Variants in ARHGAP45 observed in about 807,000 individuals in gnomAD.
The protein encoded by ARHGAP45 is rho GTPase-activating protein 45.
A neutral mutation model predicts 116.1 loss-of-function variants in ARHGAP45; 56 were observed. That is an observed-to-expected ratio of 0.48 (90% CI 0.39 to 0.60). ARHGAP45 has a LOEUF of 0.60. Ranked by LOEUF, ARHGAP45 falls within the 20% of genes least tolerant of loss-of-function variation. The pLI is 0.00. For synonymous variants in ARHGAP45, 866 were observed against 701.7 expected (o/e 1.23, Z -3.70); for missense variants, 1,622 against 1,601.0 (o/e 1.01, Z -0.22).
At chr19:1,075,576 C>G (rs1373889661) in intron 10 of ARHGAP45, among the ~76,000 whole-genome samples, 1 of 151,984 alleles carries the variant, frequency 6.6e-6, no homozygotes, top group Non-Finnish European at 1.5e-5. Context: ...TCCCACTTCG[C>G]TTTTGGGTTA....
chr19:1,080,215 C>T (rs770237422), intron 13 of ARHGAP45, 40 bp from the exon 14 acceptor site: 5 of 1,610,896 alleles, frequency 3.1e-6, no homozygotes, highest in African/African-American at 1.3e-5. Context: ...CTGTCTTGCC[C>T]CCCATCACCT....
rs1230723255 is a variant in ARHGAP45 at position 1,086,117 on chromosome 19, C to T, written c.*111C>T. On this transcript the variant is annotated 3_prime_UTR_variant, in exon 23 of 23. Transcript: ENST00000313093. ...AGGTGCGCCGTCCTGGGGTCGCTGC[C>T]GAGAGCGCCTGGACTTCGACGTCCC... 31 of 1,018,734 alleles carry T rather than the reference C, an allele frequency of 3.0e-5. No individual in the cohort carries two copies. Among genetic ancestry groups the T allele is most frequent in the Middle Eastern group, 3.0e-4 (1 of 3,290 alleles). The allele number at this position is 1,018,734 out of a possible 1,614,324, so 63.1% of individuals were successfully genotyped here.
Position 1,071,229 on chromosome 19 carries a change from C to T in ARHGAP45, c.422-1920C>T. ...GGAGCCGGTTTGGCCACCGGAGACC[C>T]CCATCGGTCAGCTGCCAGGCCCCAC... On this transcript the variant is annotated intron_variant, in intron 2 of 22. Transcript: ENST00000313093. This position sits in a 1 kb window ranked among gnomAD's most constrained non-coding sequence, Gnocchi z 4.6. 2 of 1,459,640 alleles carry T rather than the reference C, an allele frequency of 1.4e-6. No homozygotes were observed. Among genetic ancestry groups the T allele is most frequent in the Non-Finnish European group, 9.0e-7 (1 of 1,108,754 alleles). The allele number at this position is 1,459,640 out of a possible 1,614,324, so 90.4% of individuals were successfully genotyped here.
chr19:1,068,400 C>A lies in ARHGAP45; in HGVS notation c.91-14C>A. 1.3e-6 allele frequency: 2 copies of A among 1,524,144 alleles called. No homozygotes were observed. The highest frequency in any genetic ancestry group is 2.4e-5 in the East Asian group (1 of 40,868). The allele number at this position is 1,524,144 out of a possible 1,614,324, so 94.4% of individuals were successfully genotyped here. On this transcript the variant is annotated splice_polypyrimidine_tract_variant and intron_variant, in intron 1 of 22. Coordinates refer to ENST00000313093, the MANE Select transcript of ARHGAP45 (RefSeq NM_012292.5). The surrounding 1 kb of genome is among the most constrained non-coding windows in gnomAD (Gnocchi z 7.5). Reference sequence around the variant, plus strand: ...GAAAATCCCTTTAACGAGCTCCCCTCGGACCTGCCCAAGGAGCTGCCCAGG... The same window carrying A: ...GAAAATCCCTTTAACGAGCTCCCCTAGGACCTGCCCAAGGAGCTGCCCAGG...
In ARHGAP45 at chr19:1,085,927, C is replaced by A; in HGVS notation, c.3332C>A (p.Ala1111Asp). The A allele has an allele frequency of 6.2e-7, 1 of 1,612,956 alleles. No individual in the cohort carries two copies. The highest frequency in any genetic ancestry group is 8.5e-7 in the Non-Finnish European group (1 of 1,179,956). ...NTNQSNNVLQAPLPPMRLRGG... is the reference protein window; with the variant it reads ...NTNQSNNVLQDPLPPMRLRGG... ...AACCAGTCCAACAACGTGCTGCAGG[C>A]CCCACTGCCCCCCATGAGGCTCCGT... The change falls in exon 23 of 23, where the codon GCC becomes GAC. Residue 1111 changes from alanine (A) to aspartate (D), a missense_variant. Transcript: ENST00000313093.
rs755293165 is a variant in ARHGAP45 at position 1,074,360 on chromosome 19, G to A, written c.946G>A (p.Gly316Ser). 3 of 1,607,020 alleles carry A rather than the reference G, an allele frequency of 1.9e-6. No individual in the cohort carries two copies. Among genetic ancestry groups the A allele is most frequent in the Non-Finnish European group, 2.5e-6 (3 of 1,176,956 alleles). Reference protein sequence around the residue: ...RTTLEMEFAKGLQKIAHNCRQ... With the variant: ...RTTLEMEFAKSLQKIAHNCRQ... Reference sequence around the variant, plus strand: ...GCCCGCAGAGATGGAGTTTGCCAAGGGCCTGCAGAAGATCGCTCACAACTG... The same window carrying A: ...GCCCGCAGAGATGGAGTTTGCCAAGAGCCTGCAGAAGATCGCTCACAACTG... Residue 316 changes from glycine (G) to serine (S), a missense_variant, in exon 8 of 23, where the codon GGC (glycine) becomes AGC (serine). By Grantham distance (56) the Gly-to-Ser change is moderately conservative. Transcript: ENST00000313093.
At chr19:1,080,577 G>A in intron 15 of ARHGAP45, 30 bp downstream of exon 15, 1 of 1,610,190 alleles carries the variant, frequency 6.2e-7, no homozygotes, top group Non-Finnish European at 8.5e-7. Context: ...GGGCTGGGGT[G>A]TGGAGCTGCC....
chr19:1,079,604 G>A, intron 11 of ARHGAP45, 99 bp from the exon 12 acceptor site: 5 of 1,472,936 alleles, frequency 3.4e-6, no homozygotes, highest in South Asian at 2.6e-5. Context: ...CTCCCGAGGC[G>A]CTGGGATGAC....
Position 1,086,329 on chromosome 19 carries a change from G to GCATC in ARHGAP45, c.*325_*328dup, listed in dbSNP as rs528137073. 609 of 290,574 alleles carry GCATC rather than the reference G, an allele frequency of 2.1e-3. 1 individual carries two copies. Among genetic ancestry groups the GCATC allele is most frequent in the African/African-American group, 0.012 (550 of 45,602 alleles). 18.0% of individuals were successfully genotyped at this position (290,574 alleles called of 1,614,324 possible). A position where few individuals can be genotyped will look rare whatever the true frequency, so the allele number is the denominator to read the frequency against. On this transcript the variant is annotated 3_prime_UTR_variant, in exon 23 of 23. Coordinates refer to ENST00000313093, the MANE Select transcript of ARHGAP45 (RefSeq NM_012292.5). ...ATGGAGGAAGCTGTCCCTGCCCAGT[G>GCATC]CATCCCCCAGGTCATCACGGGGACG...
At chr19:1,074,770 G>A (rs774099196) in intron 9 of ARHGAP45, 29 bp from the exon 10 acceptor site, 16 of 1,599,140 alleles carry the variant, frequency 1.0e-5, no homozygotes, top group Middle Eastern at 2.1e-4. Context: ...TGTCACCGGG[G>A]TACCCACTCA....
rs559955258 is a variant in ARHGAP45, at chr19:1,086,427, G to A, written c.*421G>A. ...GACTCCAGAAACCATTCTGGGAGCC[G>A]TGGATGGGGGCGGAGCTGGGGTTTG... On this transcript the variant is annotated 3_prime_UTR_variant, in exon 23 of 23. Transcript: ENST00000313093. 3.4e-5 allele frequency: 6 copies of A among 178,772 alleles called. No homozygotes were observed. Among genetic ancestry groups the A allele is most frequent in the Non-Finnish European group, 7.2e-5 (6 of 83,406 alleles). 11.1% of individuals were successfully genotyped at this position (178,772 alleles called of 1,614,324 possible).
rs552685726 is a variant in ARHGAP45 at position 1,073,133 on chromosome 19, C to T, written c.422-16C>T. The T allele has an allele frequency of 5.6e-5, 90 of 1,598,658 alleles. No individual in the cohort carries two copies. In the Admixed American group the frequency reaches 6.6e-4, roughly 12 times the overall value. On this transcript the variant is annotated splice_polypyrimidine_tract_variant and intron_variant, in intron 2 of 22. Coordinates refer to ENST00000313093, the MANE Select transcript of ARHGAP45 (RefSeq NM_012292.5). ...CTGGGCCCTACCCCACTGCTCACTC[C>T]GACTCTCCCCAGCAGACCTCCTTGA...
At chr19:1,073,646 C>T in intron 4 of ARHGAP45, 28 bp from the exon 5 acceptor site, 1 of 1,610,636 alleles carries the variant, frequency 6.2e-7, no homozygotes, top group Non-Finnish European at 8.5e-7. Context: ...CCGGGTGTCT[C>T]TCGATGGTGA....
rs575089327 is a variant in ARHGAP45 at position 1,067,801 on chromosome 19, G to A, written c.90+306G>A. ...GTGTTTGGGCCGCTGCAGGTTGGGGGCTTAGGCAATCTGGGGGCTCTAGGG... is the reference window on the plus strand; with the variant it reads ...GTGTTTGGGCCGCTGCAGGTTGGGGACTTAGGCAATCTGGGGGCTCTAGGG... On this transcript the variant is annotated intron_variant, in intron 1 of 22. Coordinates refer to ENST00000313093, the MANE Select transcript of ARHGAP45 (RefSeq NM_012292.5). 4.4e-5 allele frequency: 27 copies of A among 618,240 alleles called. No homozygotes were observed. The African/African-American group carries it at 4.4e-4, about 10-fold the overall frequency. The allele number at this position is 618,240 out of a possible 1,614,324, so 38.3% of individuals were successfully genotyped here.
At chr19:1,077,774 TG>T (rs1222393721) in intron 10 of ARHGAP45, 82 bp from the exon 11 acceptor site, 1 of 1,539,484 alleles carries the variant, frequency 6.5e-7, no homozygotes, top group Non-Finnish European at 8.8e-7. Flanking sequence ...GAGATGGGGG[TG>T]GGGAGGAAAG....
At chr19:1,083,104 C>T in intron 20 of ARHGAP45, 38 bp downstream of exon 20, 3 of 1,571,838 alleles carry the variant, frequency 1.9e-6, no homozygotes, top group Admixed American at 3.6e-5. Context: ...CGCGGGGTCC[C>T]GGGAGCCGCT....
chr19:1,084,954 C>T (rs1026731414), intron 22 of ARHGAP45, among the ~76,000 whole-genome samples: 1 of 152,118 alleles, frequency 6.6e-6, no homozygotes, highest in Non-Finnish European at 1.5e-5. Context: ...TGGTGGAGGG[C>T]ACCTGTAATC....
chr19:1,084,911 A>C (rs576805174), intron 22 of ARHGAP45, among the ~76,000 whole-genome samples: 4 of 152,280 alleles, frequency 2.6e-5, no homozygotes, highest in Admixed American at 1.3e-4. Flanking sequence ...GTGAAATCCC[A>C]TCTCTACTAA....
At chr19:1,077,656 G>A in intron 10 of ARHGAP45, 2 of 1,445,926 alleles carry the variant, frequency 1.4e-6, no homozygotes, top group East Asian at 2.6e-5. Context: ...AAAGTGCTGG[G>A]ATTACAGACG....
Sources: gnomAD v4.1 joint callset for allele counts (sites outside exome capture counted in the v4.1 genomes callset) on GRCh38, gnomAD v4.1.1 for gene constraint, Gnocchi (gnomAD v3.1) non-coding constraint, MANE v1.5 for transcripts, NCBI Gene and HGNC (gene_info 2026-07-23, HGNC 2026-07-21) for gene names.